The following VAV3 variants were observed in gnomAD, a reference collection of about 807,000 sequenced individuals.
VAV3 encodes the protein vav guanine nucleotide exchange factor 3.
A neutral mutation model predicts 131.2 loss-of-function variants in VAV3; 94 were observed. The ratio of observed to expected loss-of-function variants is 0.72; its 90% CI spans 0.61 to 0.85. The LOEUF (loss-of-function observed/expected upper bound fraction) is 0.85, where lower values mean the gene tolerates loss of function less well. Among genes scored for constraint, VAV3 ranks in the 40% least tolerant of loss-of-function variants. The pLI is 0.00. For missense variants in VAV3, 939 were observed against 1,002.7 expected (o/e 0.94, Z 0.86); for synonymous variants, 349 against 342.0 (o/e 1.02, Z -0.22).
intron 1 of VAV3, among the ~76,000 whole-genome samples, chr1:107,921,224 A>G (rs1021022733): frequency 1.6e-4 from 25 of 152,188 alleles, no homozygotes; most frequent in African/African-American, 5.8e-4. Flanking sequence ...TTAAGGATCT[A>G]TGTATCCTTC....
intron 20 of VAV3, among the ~76,000 whole-genome samples, chr1:107,634,093 A>G (rs1654720533): frequency 6.6e-6 from 1 of 152,150 alleles, no homozygotes; most frequent in African/African-American, 2.4e-5. Context: ...GCTACCAATG[A>G]CTTTCTTCAC....
intron 12 of VAV3, among the ~76,000 whole-genome samples, chr1:107,753,592 C>T (rs1663918617): frequency 6.8e-6 from 1 of 146,284 alleles, no homozygotes; most frequent in Non-Finnish European, 1.5e-5. Flanking sequence ...CAGAGTCTCG[C>T]TCTGTTGCCT....
intron 21 of VAV3, among the ~76,000 whole-genome samples, chr1:107,611,572 T>C (rs1291951304): frequency 2.9e-5 from 4 of 139,368 alleles, no homozygotes; most frequent in Non-Finnish European, 6.2e-5. Context: ...TATTTATTCT[T>C]AAACCAAGCT....
rs183878184 is a variant in VAV3, at chr1:107,760,933, G to A, written c.922-54C>T. ...TAGGGAGTCATAAACATTAAAAGAT[G>A]CAAAGGCCCTAGGCAGAACAGTTAT... On this transcript the variant is annotated intron_variant, in intron 9 of 26. Transcript: ENST00000370056. 26 of 1,282,458 alleles carry A rather than the reference G, an allele frequency of 2.0e-5. 1 individual carries two copies. The Middle Eastern group carries it at 7.5e-4, about 37-fold the overall frequency. The allele number at this position is 1,282,458 out of a possible 1,614,324, so 79.4% of individuals were successfully genotyped here. A position where few individuals can be genotyped will look rare whatever the true frequency, so the allele number is the denominator to read the frequency against.
At position 107,734,461 on chromosome 1, in the gene VAV3, C is replaced by T. The variant is rs1209507680; in HGVS notation, c.1502+14507G>A. On this transcript the variant is annotated intron_variant, in intron 15 of 26. Coordinates refer to ENST00000370056, the MANE Select transcript of VAV3 (RefSeq NM_006113.5). ...CCATCAGTGTGCTGTATTCAGGAGA[C>T]CCATCTCACGTGCAGAGACACACAC... Among the ~76,000 whole-genome samples, 14 of 152,236 alleles carry T rather than the reference C, an allele frequency of 9.2e-5. No homozygotes were observed. In the East Asian group the frequency reaches 1.9e-3, roughly 21 times the overall value.
chr1:107,738,194 G>A (rs1259500461), intron 15 of VAV3, among the ~76,000 whole-genome samples: 1 of 152,142 alleles, frequency 6.6e-6, no homozygotes, highest in Non-Finnish European at 1.5e-5. Flanking sequence ...ATCACACACT[G>A]GGGCCCATCT....
intron 20 of VAV3, among the ~76,000 whole-genome samples, chr1:107,640,121 T>C (rs1443449843): frequency 6.6e-6 from 1 of 152,124 alleles, no homozygotes; most frequent in East Asian, 1.9e-4. Context: ...GGCATTAGTA[T>C]CTAAGAAAAA....
Position 107,777,278 on chromosome 1 carries a change from T to G in VAV3, c.399A>C (p.Glu133Asp), listed in dbSNP as rs1465021659. 6.2e-7 allele frequency: 1 copy of G among 1,614,046 alleles called. No individual in the cohort carries two copies. The highest frequency in any genetic ancestry group is 1.7e-5 in the Admixed American group (1 of 60,014). Reference sequence around the variant, plus strand: ...TGTAGATGTCTTCATCATTAATGCTTTCTTCTGTTGGGAAGGGCCTAGGAA... The same window carrying G: ...TGTAGATGTCTTCATCATTAATGCTGTCTTCTGTTGGGAAGGGCCTAGGAA... The part of the protein sequence containing the change: ...ATGIRPFPTE[E>D]SINDEDIYKG... Residue 133 changes from glutamate to aspartate, a missense_variant, in exon 4 of 27, where the codon GAA becomes GAC. By Grantham distance (45) the Glu-to-Asp change is conservative (BLOSUM62 2). Coordinates refer to ENST00000370056, the MANE Select transcript of VAV3 (RefSeq NM_006113.5).
chr1:107,785,349 C>G, intron 2 of VAV3: 1 of 1,058,408 alleles, frequency 9.4e-7, no homozygotes, highest in Non-Finnish European at 1.2e-6. Context: ...TTCTTGAGTT[C>G]TCTATTCTGA....
At chr1:107,871,446 C>T (rs1410509353) in intron 2 of VAV3, among the ~76,000 whole-genome samples, 2 of 151,236 alleles carry the variant, frequency 1.3e-5, no homozygotes, top group Non-Finnish European at 2.9e-5. Flanking sequence ...AACCTGAAGG[C>T]CTCTGCTGAC....
At chr1:107,629,149 AC>A (rs1334047172) in intron 20 of VAV3, among the ~76,000 whole-genome samples, 3 of 152,132 alleles carry the variant, frequency 2.0e-5, no homozygotes, top group Non-Finnish European at 4.4e-5. Context: ...AGCAAATAAA[AC>A]CCCATGATAT....
intron 15 of VAV3, among the ~76,000 whole-genome samples, chr1:107,722,245 C>T (rs375711579): frequency 6.6e-6 from 1 of 152,154 alleles, no homozygotes; most frequent in Non-Finnish European, 1.5e-5. Flanking sequence ...TTTTCTTCCC[C>T]ACTCAAAACT....
chr1:107,681,454 G>T (rs919452220), intron 19 of VAV3, among the ~76,000 whole-genome samples: 1 of 152,094 alleles, frequency 6.6e-6, no homozygotes, highest in Non-Finnish European at 1.5e-5. Flanking sequence ...CTAACCAGCA[G>T]AAAGAGGCAG....
chr1:107,883,874 C>CACCT (rs1015461729), intron 1 of VAV3, among the ~76,000 whole-genome samples: 5 of 152,320 alleles, frequency 3.3e-5, no homozygotes, highest in Admixed American at 3.3e-4. Context: ...TTTCTGTCAA[C>CACCT]ACCTGCATTA....
At chr1:107,826,055 GAATCAAC>G (rs1480876148) in intron 2 of VAV3, among the ~76,000 whole-genome samples, 1 of 152,150 alleles carries the variant, frequency 6.6e-6, no homozygotes, top group Non-Finnish European at 1.5e-5. Flanking sequence ...ATGAAATGCG[GAATCAAC>G]AATAACAAGG....
chr1:107,819,383 A>G (rs1184514556), intron 2 of VAV3, among the ~76,000 whole-genome samples: 1 of 152,132 alleles, frequency 6.6e-6, no homozygotes, highest in African/African-American at 2.4e-5. Context: ...AGAGAAAATG[A>G]TATTAGAGAC....
At position 107,574,031 on chromosome 1, in the gene VAV3, G is replaced by A. The variant is rs55860424; in HGVS notation, c.2502+16C>T. On this transcript the variant is annotated intron_variant, in intron 26 of 26. Coordinates refer to ENST00000370056, the MANE Select transcript of VAV3 (RefSeq NM_006113.5). ...CTTCTTTCACATGCACCAGCACATC[G>A]AGAGGGCCAACTTACCCTGCCATTT... 3.1e-4 allele frequency: 501 copies of A among 1,612,964 alleles called. No individual in the cohort carries two copies. The highest frequency in any genetic ancestry group is 4.7e-4 in the East Asian group (21 of 44,878).
At chr1:107,826,384 T>C (rs1354483663) in intron 2 of VAV3, among the ~76,000 whole-genome samples, 1 of 152,216 alleles carries the variant, frequency 6.6e-6, no homozygotes, top group Non-Finnish European at 1.5e-5. Flanking sequence ...CTTTACCTCA[T>C]TGCTTACTAG....
chr1:107,904,472 TTTTA>T (rs1275184208), intron 1 of VAV3, among the ~76,000 whole-genome samples: 1 of 152,238 alleles, frequency 6.6e-6, no homozygotes, highest in African/African-American at 2.4e-5. Context: ...GACTGAATTT[TTTTA>T]TTTCTTTTCT....
Sources: gnomAD v4.1 joint callset for allele counts (sites outside exome capture counted in the v4.1 genomes callset) on GRCh38, gnomAD v4.1.1 for gene constraint, MANE v1.5 for transcripts, NCBI Gene and HGNC (gene_info 2026-07-23, HGNC 2026-07-21) for gene names.